Variants in CNTLN observed in about 807,000 individuals in gnomAD.
The protein encoded by CNTLN is centlein.
Under a neutral mutation model 180.0 loss-of-function variants are expected in CNTLN, and 212 were observed. The ratio of observed to expected loss-of-function variants is 1.18; its 90% confidence interval spans 1.05 to 1.32. The LOEUF is 1.32. CNTLN is among the 40% of genes most tolerant of loss of function. The pLI is 0.00. For missense variants in CNTLN, 2,095 were observed against 1,610.9 expected (o/e 1.30, Z -5.14); for synonymous variants, 722 against 563.1 (o/e 1.28, Z -3.99).
At chr9:17,305,769 A>G (rs1233911654) in intron 7 of CNTLN, among the ~76,000 whole-genome samples, 1 of 152,216 alleles carries the variant, frequency 6.6e-6, no homozygotes, top group African/African-American at 2.4e-5. Context: ...CTGGAGGACT[A>G]TCTTTGCTTC....
chr9:17,292,228 A>G (rs978051800), intron 6 of CNTLN, among the ~76,000 whole-genome samples: 1 of 151,934 alleles, frequency 6.6e-6, no homozygotes, highest in African/African-American at 2.4e-5. Flanking sequence ...GGCTGCTGTT[A>G]ACATTTTTTT....
the CNTLN span, among the ~76,000 whole-genome samples, chr9:17,518,925 A>G: frequency 6.6e-6 from 1 of 151,926 alleles, no homozygotes; most frequent in African/African-American, 2.4e-5. Flanking sequence ...AAAGCCACTG[A>G]GACTTGTTTG....
intron 1 of CNTLN, among the ~76,000 whole-genome samples, chr9:17,142,530 G>T (rs997027014): frequency 6.6e-6 from 1 of 152,158 alleles, no homozygotes; most frequent in African/African-American, 2.4e-5. Context: ...AGTTGGAGAT[G>T]TAAGTCTGGA....
intron 2 of CNTLN, among the ~76,000 whole-genome samples, chr9:17,205,843 C>T (rs550185931): frequency 5.4e-4 from 82 of 152,220 alleles, no homozygotes; most frequent in Non-Finnish European, 7.9e-4. Flanking sequence ...TTTTTCTTGA[C>T]GGACTATTTA....
chr9:17,386,053 C>T (rs1323425539), intron 13 of CNTLN, among the ~76,000 whole-genome samples: 1 of 151,830 alleles, frequency 6.6e-6, no homozygotes, highest in Non-Finnish European at 1.5e-5. Flanking sequence ...TTTCTTAATC[C>T]CTCAAATTGA....
In CNTLN at chr9:17,496,170, A is replaced by G. The variant is rs1184441057; in HGVS notation, c.4120-6381A>G. 2.0e-5 allele frequency among the ~76,000 whole-genome samples: 3 copies of G among 152,196 alleles called. No individual in the cohort carries two copies. The East Asian group carries it at 5.8e-4, about 29-fold the overall frequency. ...TAAATCAACACTGAGTGACACAGTG[A>G]TGAACAAGAGACTGAATAATTCAGT... On this transcript the variant is annotated intron_variant, in intron 25 of 25. Coordinates refer to ENST00000380647, the MANE Select transcript of CNTLN (RefSeq NM_017738.4).
intron 18 of CNTLN, among the ~76,000 whole-genome samples, chr9:17,445,832 G>C (rs1208163567): frequency 2.0e-5 from 3 of 152,160 alleles, no homozygotes. Context: ...GCCTCTTGCA[G>C]TTGAGACAAG....
intron 12 of CNTLN, among the ~76,000 whole-genome samples, chr9:17,348,367 G>C (rs971511992): frequency 6.6e-6 from 1 of 152,116 alleles, no homozygotes; most frequent in African/African-American, 2.4e-5. Context: ...TATCATGCCT[G>C]AGGGAGAAGG....
chr9:17,467,021 A>C, intron 23 of CNTLN, 130 bp downstream of exon 23: 1 of 518,636 alleles, frequency 1.9e-6, no homozygotes, highest in Non-Finnish European at 3.3e-6. Flanking sequence ...CTTCTACCCT[A>C]TTTATCACAT....
chr9:17,509,957 A>G, the CNTLN span, among the ~76,000 whole-genome samples: 1 of 152,168 alleles, frequency 6.6e-6, no homozygotes, highest in Admixed American at 6.5e-5. Context: ...AGGGGGTTAC[A>G]TTGCTGGCTG....
chr9:17,152,797 T>A (rs1037638953), intron 2 of CNTLN, among the ~76,000 whole-genome samples: 7 of 152,132 alleles, frequency 4.6e-5, no homozygotes, highest in Admixed American at 1.3e-4. Context: ...GGGAGTCTAA[T>A]TCTCTTTGTA....
intron 22 of CNTLN, 66 bp downstream of exon 22, chr9:17,466,184 C>G (rs939910873): frequency 6.9e-7 from 1 of 1,440,342 alleles, no homozygotes; most frequent in African/African-American, 1.4e-5. Context: ...TCATTTTTAA[C>G]ATTGTTGCTT....
chr9:17,194,657 T>C (rs1438181332), intron 2 of CNTLN, among the ~76,000 whole-genome samples: 2 of 152,188 alleles, frequency 1.3e-5, no homozygotes, highest in Non-Finnish European at 2.9e-5. Context: ...TGTCTTCTTC[T>C]GAGCCCTCCA....
At chr9:17,370,356 A>T (rs560096277) in intron 13 of CNTLN, among the ~76,000 whole-genome samples, 1 of 152,216 alleles carries the variant, frequency 6.6e-6, no homozygotes, top group Non-Finnish European at 1.5e-5. Flanking sequence ...TGCTGGCAGC[A>T]GACTTTTCAG....
At chr9:17,513,108 C>T in the CNTLN span, among the ~76,000 whole-genome samples, 7 of 152,022 alleles carry the variant, frequency 4.6e-5, no homozygotes, top group Non-Finnish European at 1.0e-4. Flanking sequence ...CCACGGTGCC[C>T]GGCCTAGTCT....
the CNTLN span, among the ~76,000 whole-genome samples, chr9:17,524,769 G>C: frequency 6.6e-6 from 1 of 152,096 alleles, no homozygotes; most frequent in African/African-American, 2.4e-5. Flanking sequence ...TTTTATGTGT[G>C]CTTTAGGCAT....
At chr9:17,263,321 C>G (rs1827153334) in intron 5 of CNTLN, among the ~76,000 whole-genome samples, 1 of 149,732 alleles carries the variant, frequency 6.7e-6, no homozygotes, top group African/African-American at 2.5e-5. Flanking sequence ...CGATAGTTTG[C>G]TGAGATTGAT....
At chr9:17,494,876 CTTTTTT>C (rs35224903) in intron 25 of CNTLN, 705 of 271,644 alleles carry the variant, frequency 2.6e-3, no homozygotes, top group East Asian at 3.8e-3. Flanking sequence ...CTATACCATA[CTTTTTT>C]TTTTTTTTTT....
chr9:17,176,826 G>A (rs1820747562), intron 2 of CNTLN, among the ~76,000 whole-genome samples: 1 of 152,126 alleles, frequency 6.6e-6, no homozygotes, highest in Non-Finnish European at 1.5e-5. Flanking sequence ...GCATCTTGAG[G>A]AACTGGTTTT....
Sources: allele counts gnomAD v4.1 joint callset (sites outside exome capture counted in the v4.1 genomes callset), GRCh38; gene constraint gnomAD v4.1.1; transcripts MANE v1.5; gene names NCBI Gene and HGNC (gene_info 2026-07-23, HGNC 2026-07-21).